The following LILRB2 variants were observed in gnomAD, a reference collection of about 807,000 sequenced individuals.
The protein encoded by LILRB2 is leukocyte immunoglobulin-like receptor subfamily B member 2.
LILRB2 carries 47 observed loss-of-function variants against 72.7 expected under a neutral mutation model. That is an observed-to-expected ratio of 0.65 (90% confidence interval 0.51 to 0.82). LILRB2 has a LOEUF of 0.82. Ranked by LOEUF, LILRB2 falls within the 40% of genes least tolerant of loss-of-function variation. The pLI is 0.00. For missense variants in LILRB2, 767 were observed against 764.8 expected (o/e 1.00, Z -0.03); for synonymous variants, 279 against 313.7 (o/e 0.89, Z 1.17).
At chr19:54,277,118 G>T in intron 9 of LILRB2, 189 bp from the exon 10 acceptor site, 1 of 1,496,550 alleles carries the variant, frequency 6.7e-7, no homozygotes, top group South Asian at 1.2e-5. Flanking sequence ...CCTGCCCCGG[G>T]CCCCCAGCCA....
At chr19:54,279,156 C>G (rs770518004) in intron 5 of LILRB2, 48 bp from the exon 6 acceptor site, 7 of 1,586,992 alleles carry the variant, frequency 4.4e-6, no homozygotes, top group Admixed American at 1.7e-5. Context: ...TCAGGCTTCC[C>G]CACAAACCCT....
At chr19:54,279,275 G>A (rs1463023505) in intron 5 of LILRB2, 70 bp downstream of exon 5, 12 of 1,557,760 alleles carry the variant, frequency 7.7e-6, no homozygotes, top group African/African-American at 1.4e-5. Context: ...CCTGAGACAC[G>A]GCTGCTCCCC....
intron 13 of LILRB2, chr19:54,275,039 C>T (rs2080158792): frequency 1.1e-5 from 18 of 1,608,358 alleles, no homozygotes; most frequent in African/African-American, 1.3e-5. Flanking sequence ...TATGTCACTG[C>T]CTGGGGGTCT....
rs2080475155 is a variant in LILRB2, at chr19:54,280,016, G to A, written c.130C>T (p.Pro44Ser). The A allele has an allele frequency of 6.2e-7, 1 of 1,614,148 alleles. No homozygotes were observed. The highest frequency in any genetic ancestry group is 1.3e-5 in the African/African-American group (1 of 75,042). The change falls in exon 4 of 14, where the codon CCC becomes TCC. Residue 44 changes from proline (P) to serine (S), a missense_variant. Pro to Ser is a moderately conservative substitution (Grantham distance 74). Around this residue, in one of 3 missense-constraint regions of LILRB2, gnomAD observed 599 missense variants for 568.2 expected, o/e 1.05. Coordinates refer to ENST00000314446, the MANE Select transcript of LILRB2 (RefSeq NM_001080978.4). ...EPDSVITQGS[P>S]VTLSCQGSLE... ...CTCCCCTGACAACTGAGGGTGACGG[G>A]ACTCCCCTGGGTGATCACAGAGTCT...
chr19:54,277,367 G>A (rs1214906842), intron 9 of LILRB2, 183 bp downstream of exon 9: 1 of 1,211,726 alleles, frequency 8.3e-7, no homozygotes, highest in Non-Finnish European at 1.2e-6. Flanking sequence ...ACAGCTGGGA[G>A]TGAGAGCTGA....
In LILRB2 at chr19:54,277,533, C is replaced by T. The variant is rs1307011426; in HGVS notation, c.1357+17G>A. The T allele has an allele frequency of 1.1e-5, 17 of 1,562,286 alleles. No homozygotes were observed. Among genetic ancestry groups the T allele is most frequent in the Non-Finnish European group, 1.4e-5 (16 of 1,152,264 alleles). On this transcript the variant is annotated intron_variant, in intron 9 of 13. Coordinates refer to ENST00000314446, the MANE Select transcript of LILRB2 (RefSeq NM_001080978.4). ...CCCGGGACCCCGCCCACCTCCCACTCAGAGCCCCTCACTCACCACTTTGGG... is the reference window on the plus strand; with the variant it reads ...CCCGGGACCCCGCCCACCTCCCACTTAGAGCCCCTCACTCACCACTTTGGG...
Position 54,277,591 on chromosome 19 carries a change from T to A in LILRB2, c.1316A>T (p.Glu439Val), listed in dbSNP as rs2080298923. Residue 439 changes from glutamate to valine, a missense_variant, in exon 9 of 14, where the codon GAG (glutamate) becomes GTG (valine). By Grantham distance (121) the Glu-to-Val change is moderately radical (BLOSUM62 -2). Around this residue, in one of 3 missense-constraint regions of LILRB2, gnomAD observed 599 missense variants for 568.2 expected, o/e 1.05. Transcript: ENST00000314446. ...CCCAGTGGGGGTGAGGGGCTGGTCC[T>A]CAGGGCCTGCTGGGTCAGGACGGGG... is the stretch of plus-strand genomic sequence containing the variant. ...PTGPISTPGP[E>V]DQPLTPTGSD... 6.3e-7 allele frequency: 1 copy of A among 1,576,026 alleles called. No homozygotes were observed. Among genetic ancestry groups the A allele is most frequent in the Non-Finnish European group, 8.6e-7 (1 of 1,160,012 alleles).
intron 13 of LILRB2, chr19:54,275,533 C>T (rs1479657260): frequency 3.9e-6 from 2 of 516,742 alleles, no homozygotes; most frequent in South Asian, 3.1e-5. Flanking sequence ...TGTCTCCCAC[C>T]ATGAGGTGAG....
At position 54,274,330 on chromosome 19, in the gene LILRB2, T is replaced by TG. The variant is rs2080113462; in HGVS notation, c.*352_*353insC. The TG allele has an allele frequency of 4.6e-6, 1 of 219,668 alleles. No individual in the cohort carries two copies. Among genetic ancestry groups the TG allele is most frequent in the South Asian group, 1.3e-4 (1 of 7,470 alleles). The allele number at this position is 219,668 out of a possible 1,614,324, so 13.6% of individuals were successfully genotyped here. ...CCAACGTCATTCATTTCCTAGTTTT[T>TG]TTTTTTCGTTTCTACTTTTTTCATT... On this transcript the variant is annotated 3_prime_UTR_variant, in exon 14 of 14. Coordinates refer to ENST00000314446, the MANE Select transcript of LILRB2 (RefSeq NM_001080978.4).
intron 10 of LILRB2, 50 bp from the exon 11 acceptor site, chr19:54,276,506 G>C (rs1407378874): frequency 9.2e-6 from 12 of 1,311,322 alleles, no homozygotes; most frequent in Non-Finnish European, 1.2e-5. Flanking sequence ...GGAGCCCCCT[G>C]CCCTGCACAC....
chr19:54,278,053 G>T, intron 7 of LILRB2, 114 bp from the exon 8 acceptor site: 1 of 1,100,796 alleles, frequency 9.1e-7, no homozygotes, highest in East Asian at 2.6e-5. Context: ...CCCTCCACCC[G>T]CCTCTCCTGT....
chr19:54,278,374 G>C lies in LILRB2; in HGVS notation c.1144C>G (p.Pro382Ala). ...TGGGCTGAGGTCACAGGACTCATGG[G>C]GAATTCAGCCTGGTACTTAGGATAT... ...HEYPKYQAEF[P>A]MSPVTSAHAG... is the part of the protein sequence containing the mutation. Residue 382 changes from proline to alanine, a missense_variant, in exon 7 of 14, where the codon CCC (proline) becomes GCC (alanine). By Grantham distance (27) the Pro-to-Ala change is conservative. Coordinates refer to ENST00000314446, the MANE Select transcript of LILRB2 (RefSeq NM_001080978.4). The C allele has an allele frequency of 6.2e-7, 1 of 1,614,216 alleles. No individual in the cohort carries two copies. Among genetic ancestry groups the C allele is most frequent in the South Asian group, 1.1e-5 (1 of 91,090 alleles).
At position 54,274,368 on chromosome 19, in the gene LILRB2, T is replaced by C. The variant is rs2080116503; in HGVS notation, c.*315A>G. ...TACTTTTTTCATTTGTGGTTTGTACTTTTTCAATTTCATTGTGTGATGTGT... is the reference window on the plus strand; with the variant it reads ...TACTTTTTTCATTTGTGGTTTGTACCTTTTCAATTTCATTGTGTGATGTGT... On this transcript the variant is annotated 3_prime_UTR_variant, in exon 14 of 14. Transcript: ENST00000314446. 1 of 312,132 alleles carries C rather than the reference T, an allele frequency of 3.2e-6. No homozygotes were observed. The highest frequency in any genetic ancestry group is 2.1e-5 in the African/African-American group (1 of 46,736). The allele number at this position is 312,132 out of a possible 1,614,324, so 19.3% of individuals were successfully genotyped here. A position where few individuals can be genotyped will look rare whatever the true frequency, so the allele number is the denominator to read the frequency against.
At chr19:54,276,978 G>A (rs555858536) in intron 9 of LILRB2, 49 bp from the exon 10 acceptor site, 23 of 1,578,510 alleles carry the variant, frequency 1.5e-5, no homozygotes, top group East Asian at 2.3e-5. Context: ...TGAAATGAGC[G>A]CCTACTGTGT....
rs577497647 is a variant in LILRB2, at chr19:54,275,275, A to T, written c.1648-446T>A. On this transcript the variant is annotated intron_variant, in intron 13 of 13. Transcript: ENST00000314446. ...ACCTTGCCCATTTGGCTGCAGCCTC[A>T]TGGGCCTTCCCGCAAGAGCTCGCTG... is the stretch of plus-strand genomic sequence containing the variant. 7.7e-5 allele frequency: 53 copies of T among 684,768 alleles called. No homozygotes were observed. In the African/African-American group the frequency reaches 8.0e-4, roughly 10 times the overall value. The allele number at this position is 684,768 out of a possible 1,614,324, so 42.4% of individuals were successfully genotyped here. A position where few individuals can be genotyped will look rare whatever the true frequency, so the allele number is the denominator to read the frequency against.
Position 54,279,659 on chromosome 19 carries a change from G to A in LILRB2, c.356-12C>T, listed in dbSNP as rs780001484. On this transcript the variant is annotated splice_polypyrimidine_tract_variant and intron_variant, in intron 4 of 13. Transcript: ENST00000314446. The stretch of plus-strand genomic sequence containing the variant: ...TTTTGGGTAGGCTCCTAGGAGAGAA[G>A]GAGGCATCGTGTTAAATGGGGCTCC... 3.1e-6 allele frequency: 5 copies of A among 1,602,398 alleles called. No individual in the cohort carries two copies. Among genetic ancestry groups the A allele is most frequent in the African/African-American group, 1.3e-5 (1 of 74,644 alleles).
rs373911370 is a variant in LILRB2 at position 54,278,905 on chromosome 19, G to T, written c.862C>A (p.Arg288Ser). The T allele has an allele frequency of 1.3e-5, 21 of 1,614,030 alleles. No individual in the cohort carries two copies. Among genetic ancestry groups the T allele is most frequent in the Non-Finnish European group, 1.8e-5 (21 of 1,180,004 alleles). The change falls in exon 6 of 14, where the codon CGC becomes AGC. Residue 288 changes from arginine (R) to serine (S), a missense_variant. By Grantham distance (110) the Arg-to-Ser change is moderately radical (BLOSUM62 -1). Around this residue, in one of 3 missense-constraint regions of LILRB2, gnomAD observed 599 missense variants for 568.2 expected, o/e 1.05. Coordinates refer to ENST00000314446, the MANE Select transcript of LILRB2 (RefSeq NM_001080978.4). ...QANFTLGPVS[R>S]SYGGQYRCYG... ...CATCTGTACTGGCCCCCGTAGGAGC[G>T]GCTCACAGGGCCCAGGGTGAAGTTG...
Position 54,280,330 on chromosome 19 carries a change from C to T in LILRB2, c.35-31G>A, listed in dbSNP as rs763541027. 5 of 1,544,764 alleles carry T rather than the reference C, an allele frequency of 3.2e-6. No homozygotes were observed. The Admixed American group carries it at 7.5e-5, about 23-fold the overall frequency. On this transcript the variant is annotated intron_variant, in intron 2 of 13. Transcript: ENST00000314446. ...AGAGAGTTCCCTGTGAGGGATTTGCCCCCTGAAGCCTGAGCAGGTCCTCCC... is the reference window on the plus strand; with the variant it reads ...AGAGAGTTCCCTGTGAGGGATTTGCTCCCTGAAGCCTGAGCAGGTCCTCCC...
rs748538639 is a variant in LILRB2, at chr19:54,276,901, G to A, written c.1386C>T (p.Ile462=). 12 of 1,613,868 alleles carry A rather than the reference G, an allele frequency of 7.4e-6. No individual in the cohort carries two copies. The highest frequency in any genetic ancestry group is 1.6e-4 in the Middle Eastern group (1 of 6,080). The change falls in exon 10 of 14, where the codon ATC becomes ATT. Residue 462 remains isoleucine (I), a synonymous_variant. Transcript: ENST00000314446. ...SGLGRHLGVV[I]GILVAVVLLL... Reference sequence around the variant, plus strand: ...GTAGGACGACGGCCACCAAGATGCCGATCACAACCCCCAGGTGCCTTCCCA... The same window carrying A: ...GTAGGACGACGGCCACCAAGATGCCAATCACAACCCCCAGGTGCCTTCCCA...
Sources: allele counts gnomAD v4.1 joint callset, GRCh38; gene constraint gnomAD v4.1.1; regional missense constraint gnomAD v4.1.1; transcripts MANE v1.5; gene names NCBI Gene and HGNC (gene_info 2026-07-23, HGNC 2026-07-21).